Variants in SLC24A2 observed in about 807,000 individuals in gnomAD.
SLC24A2 encodes solute carrier family 24 member 2.
A neutral mutation model predicts 62.0 loss-of-function variants in SLC24A2; 36 were observed. The observed-to-expected ratio is 0.58, with a 90% confidence interval of 0.44 to 0.77. The LOEUF (loss-of-function observed/expected upper bound fraction) is 0.77, where lower values mean the gene tolerates loss of function less well. SLC24A2 is among the 30% of genes least tolerant of loss of function. The probability of loss-of-function intolerance (pLI) is 0.00; values close to 1 mark genes in which losing one functional copy is unlikely to be tolerated. For missense variants in SLC24A2, 846 were observed against 817.9 expected, an observed-to-expected ratio of 1.03 and a Z score of -0.42; for synonymous variants, 358 against 294.0, an observed-to-expected ratio of 1.22 and a Z score of -2.23.
chr9:19,649,340 T>C (rs1204684328), intron 2 of SLC24A2, among the ~76,000 whole-genome samples: 1 of 152,176 alleles, frequency 6.6e-6, no homozygotes, highest in Non-Finnish European at 1.5e-5. Flanking sequence ...GCTTGAATCG[T>C]TACACACAAA....
At chr9:19,659,566 C>T (rs4977232) in intron 2 of SLC24A2, among the ~76,000 whole-genome samples, 114,012 of 152,052 alleles carry the variant, frequency 0.75, 42,923 homozygotes, top group East Asian at 0.9. Context: ...AAAACTCAAA[C>T]GCTTATCCTT....
the SLC24A2 span, among the ~76,000 whole-genome samples, chr9:20,063,809 T>C: frequency 5.3e-5 from 8 of 152,038 alleles, no homozygotes; most frequent in African/African-American, 1.9e-4. Flanking sequence ...AAACTAAAAC[T>C]ACAGGGAGTT....
At chr9:20,160,083 T>C in the SLC24A2 span, among the ~76,000 whole-genome samples, 1 of 151,048 alleles carries the variant, frequency 6.6e-6, no homozygotes, top group Non-Finnish European at 1.5e-5. Flanking sequence ...AGGGCAAAAA[T>C]AAAGAAGTGG....
At chr9:20,214,487 C>T in the SLC24A2 span, among the ~76,000 whole-genome samples, 1 of 151,912 alleles carries the variant, frequency 6.6e-6, no homozygotes, top group Non-Finnish European at 1.5e-5. Context: ...TTGTGGTGGG[C>T]CCCTGTAGTC....
At chr9:19,941,018 T>C in the SLC24A2 span, among the ~76,000 whole-genome samples, 1 of 152,340 alleles carries the variant, frequency 6.6e-6, no homozygotes, top group Admixed American at 6.5e-5. Flanking sequence ...TCAATGGCTT[T>C]AAGCCAAGCC....
chr9:19,564,366 T>G (rs1442561853), intron 7 of SLC24A2, among the ~76,000 whole-genome samples: 1 of 152,218 alleles, frequency 6.6e-6, no homozygotes, highest in Admixed American at 6.5e-5. Context: ...AAAACTCCAC[T>G]GAGTTTAGGT....
At chr9:20,152,536 C>A in the SLC24A2 span, among the ~76,000 whole-genome samples, 48 of 151,964 alleles carry the variant, frequency 3.2e-4, no homozygotes, top group African/African-American at 1.0e-3. Context: ...TGTGAACTTT[C>A]CCCATCCATC....
At chr9:19,622,124 A>G (rs2117912213) in intron 3 of SLC24A2, 137 bp downstream of exon 3, 2 of 720,204 alleles carry the variant, frequency 2.8e-6, no homozygotes, top group South Asian at 1.6e-5. Flanking sequence ...GTAGAAGTAC[A>G]CATCAGGGGT....
chr9:20,122,177 G>C, the SLC24A2 span, among the ~76,000 whole-genome samples: 52 of 152,328 alleles, frequency 3.4e-4, no homozygotes, highest in African/African-American at 1.1e-3. Context: ...AGTGTTAGCA[G>C]AGCATTTAAC....
intron 8 of SLC24A2, among the ~76,000 whole-genome samples, chr9:19,536,251 G>A (rs548220571): frequency 1.7e-4 from 25 of 147,738 alleles, no homozygotes; most frequent in African/African-American, 5.5e-4. Flanking sequence ...TGCACATTGT[G>A]CAGGTTAGTT....
At chr9:20,214,327 T>G in the SLC24A2 span, among the ~76,000 whole-genome samples, 1 of 152,078 alleles carries the variant, frequency 6.6e-6, no homozygotes, top group Non-Finnish European at 1.5e-5. Flanking sequence ...CACTTAAAAT[T>G]TGTTGGCCAG....
chr9:19,687,419 G>A (rs539604876), intron 2 of SLC24A2, among the ~76,000 whole-genome samples: 24 of 152,204 alleles, frequency 1.6e-4, no homozygotes, highest in South Asian at 6.2e-4. Flanking sequence ...GTAGGAATTC[G>A]TGTGATAGAC....
At chr9:20,058,749 G>C in the SLC24A2 span, among the ~76,000 whole-genome samples, 6 of 152,200 alleles carry the variant, frequency 3.9e-5, no homozygotes, top group Non-Finnish European at 7.3e-5. Context: ...CTGGGCAACA[G>C]GGTGAAACCC....
At chr9:19,673,433 A>ATG (rs777283124) in intron 2 of SLC24A2, among the ~76,000 whole-genome samples, 6 of 97,900 alleles carry the variant, frequency 6.1e-5, no homozygotes, top group Admixed American at 3.0e-4. Flanking sequence ...TTGTGTGTGT[A>ATG]TGTGTGTGTG....
At chr9:19,812,038 A>G in the SLC24A2 span, among the ~76,000 whole-genome samples, 1 of 152,166 alleles carries the variant, frequency 6.6e-6, no homozygotes. Context: ...CACTGGATAT[A>G]CAGTTTTAGA....
At chr9:20,208,002 T>C in the SLC24A2 span, among the ~76,000 whole-genome samples, 1 of 152,204 alleles carries the variant, frequency 6.6e-6, no homozygotes, top group Non-Finnish European at 1.5e-5. Context: ...ACAGAACCTC[T>C]GCCTTCAATG....
chr9:20,034,556 C>G, the SLC24A2 span, among the ~76,000 whole-genome samples: 3 of 151,524 alleles, frequency 2.0e-5, no homozygotes, highest in African/African-American at 7.3e-5. Context: ...GCACCCCCCA[C>G]CCCGGGTTCA....
At chr9:20,167,766 C>A in the SLC24A2 span, among the ~76,000 whole-genome samples, 3 of 151,988 alleles carry the variant, frequency 2.0e-5, no homozygotes, top group Admixed American at 1.3e-4. Flanking sequence ...TTCACTCAGG[C>A]TGGAGTGCAG....
intron 2 of SLC24A2, among the ~76,000 whole-genome samples, chr9:19,729,448 T>C (rs1263584764): frequency 6.6e-6 from 1 of 152,100 alleles, no homozygotes; most frequent in Admixed American, 6.6e-5. Context: ...TTCACAACAA[T>C]GAAGATATGC....
Sources: gnomAD v4.1 joint callset for allele counts (sites outside exome capture counted in the v4.1 genomes callset) on GRCh38, gnomAD v4.1.1 for gene constraint, MANE v1.5 for transcripts, NCBI Gene and HGNC (gene_info 2026-07-23, HGNC 2026-07-21) for gene names.